ATXN7L1: variants seen among roughly 807,000 people sequenced by gnomAD.
ATXN7L1 encodes ataxin 7 like 1.
ATXN7L1 carries 15 observed loss-of-function variants against 70.8 expected under a neutral mutation model. The observed-to-expected ratio is 0.21, with a 90% CI of 0.14 to 0.33. ATXN7L1 has a LOEUF of 0.33. Ranked by LOEUF, ATXN7L1 falls within the 10% of genes least tolerant of loss-of-function variation. ATXN7L1 has a pLI of 1.00. For missense variants in ATXN7L1, 975 were observed against 1,097.1 expected, an observed-to-expected ratio of 0.89 and a Z score of 1.57; for synonymous variants, 440 against 445.1, an observed-to-expected ratio of 0.99 and a Z score of 0.14.
chr7:105,854,607 T>C (rs1815440378), intron 2 of ATXN7L1, among the ~76,000 whole-genome samples: 1 of 151,974 alleles, frequency 6.6e-6, no homozygotes, highest in African/African-American at 2.4e-5. Context: ...CTGATTTCTA[T>C]GGACAATTAG....
chr7:105,625,240 T>C (rs1795524298), intron 7 of ATXN7L1, among the ~76,000 whole-genome samples: 1 of 152,162 alleles, frequency 6.6e-6, no homozygotes, highest in Non-Finnish European at 1.5e-5. Flanking sequence ...AGTGTTTCAA[T>C]TTACATTTAT....
chr7:105,815,769 G>A lies in ATXN7L1; in HGVS notation c.251-27061C>T, dbSNP rs545166435. Among the ~76,000 whole-genome samples, 7 of 152,346 alleles carry A rather than the reference G, an allele frequency of 4.6e-5. No individual in the cohort carries two copies. In the East Asian group the frequency reaches 1.4e-3, roughly 29 times the overall value. On this transcript the variant is annotated intron_variant, in intron 2 of 11. Coordinates refer to ENST00000419735, the MANE Select transcript of ATXN7L1 (RefSeq NM_020725.2). ...GCACAGCAAAAGGAAATCCCTGCAT[G>A]ATGCTCGGCAGCTTGCCTAGGGAAT...
At chr7:105,755,523 T>C (rs1027479844) in intron 3 of ATXN7L1, among the ~76,000 whole-genome samples, 1 of 152,318 alleles carries the variant, frequency 6.6e-6, no homozygotes, top group East Asian at 1.9e-4. Flanking sequence ...TTATTCACTG[T>C]ATAAATGAAC....
At position 105,614,614 on chromosome 7, in the gene ATXN7L1, G is replaced by A; in HGVS notation, c.1720C>T (p.Pro574Ser). The stretch of plus-strand genomic sequence containing the variant: ...GTGGTGTGGGACATGAGGGCGCTCG[G>A]GTCCGGCGATGTCACGAAAGCTGCG... ...SNAAFVTSPD[P>S]SALMSHTTAF... Residue 574 changes from proline to serine, a missense_variant, in exon 10 of 12, where the codon CCG (proline) becomes TCG (serine). Pro to Ser is a moderately conservative substitution (Grantham distance 74). Around this residue, in one of 5 missense-constraint regions of ATXN7L1, gnomAD observed 635 missense variants for 699.4 expected, o/e 0.91. Coordinates refer to ENST00000419735, the MANE Select transcript of ATXN7L1 (RefSeq NM_020725.2). The surrounding 1 kb of genome is among the most constrained non-coding windows in gnomAD (Gnocchi z 4.3). 2 of 1,551,834 alleles carry A rather than the reference G, an allele frequency of 1.3e-6. No individual in the cohort carries two copies. The highest frequency in any genetic ancestry group is 1.7e-6 in the Non-Finnish European group (2 of 1,147,024).
rs540447578 is a variant in ATXN7L1, at chr7:105,837,505, G to A, written c.250+38307C>T. Reference sequence around the variant, plus strand: ...ATCAGTGAAATATGAAGGGTTGGAAGGATATACTACTATCTGGCTGTTTTC... The same window carrying A: ...ATCAGTGAAATATGAAGGGTTGGAAAGATATACTACTATCTGGCTGTTTTC... On this transcript the variant is annotated intron_variant, in intron 2 of 11. Coordinates refer to ENST00000419735, the MANE Select transcript of ATXN7L1 (RefSeq NM_020725.2). Among the ~76,000 whole-genome samples the A allele has an allele frequency of 3.9e-5, 6 of 151,962 alleles. No individual in the cohort carries two copies. In the South Asian group the frequency reaches 8.3e-4, roughly 21 times the overall value.
chr7:105,807,214 T>G (rs1311975473), intron 2 of ATXN7L1, among the ~76,000 whole-genome samples: 1 of 152,170 alleles, frequency 6.6e-6, no homozygotes, highest in African/African-American at 2.4e-5. Flanking sequence ...AAACATCAGT[T>G]AGTGTCCTGA....
intron 2 of ATXN7L1, among the ~76,000 whole-genome samples, chr7:105,795,566 C>T (rs1465223257): frequency 2.6e-5 from 4 of 152,158 alleles, no homozygotes; most frequent in African/African-American, 7.2e-5. Context: ...GAAGCAACAA[C>T]TGGTGAGAGC....
rs942502921 is a variant in ATXN7L1 at position 105,614,619 on chromosome 7, G to A, written c.1715C>T (p.Pro572Leu). Residue 572 changes from proline (P) to leucine (L), a missense_variant, in exon 10 of 12, where the codon CCG becomes CTG. Pro to Leu is a moderately conservative substitution (Grantham distance 98, BLOSUM62 -3). Transcript: ENST00000419735. The surrounding 1 kb of genome is among the most constrained non-coding windows in gnomAD (Gnocchi z 4.3). ...GTGGGACATGAGGGCGCTCGGGTCCGGCGATGTCACGAAAGCTGCGTTTGA... is the reference window on the plus strand; with the variant it reads ...GTGGGACATGAGGGCGCTCGGGTCCAGCGATGTCACGAAAGCTGCGTTTGA... ...MLSNAAFVTS[P>L]DPSALMSHTT... 46 of 1,551,732 alleles carry A rather than the reference G, an allele frequency of 3.0e-5. No homozygotes were observed. Among genetic ancestry groups the A allele is most frequent in the Middle Eastern group, 1.7e-4 (1 of 6,016 alleles).
chr7:105,673,342 A>G (rs945098173), intron 3 of ATXN7L1, among the ~76,000 whole-genome samples: 14 of 152,334 alleles, frequency 9.2e-5, no homozygotes, highest in African/African-American at 3.1e-4. Flanking sequence ...CCATTTTTAG[A>G]AAGAACTTGT....
intron 7 of ATXN7L1, among the ~76,000 whole-genome samples, chr7:105,636,988 T>C (rs1176954368): frequency 3.9e-5 from 6 of 152,228 alleles, no homozygotes; most frequent in Non-Finnish European, 7.3e-5. Flanking sequence ...GCCTCAACTC[T>C]AAAACAAGGG....
chr7:105,813,929 C>T (rs902484540), intron 2 of ATXN7L1, among the ~76,000 whole-genome samples: 16 of 152,116 alleles, frequency 1.1e-4, no homozygotes, highest in African/African-American at 3.9e-4. Flanking sequence ...CAATTTCCTC[C>T]CACCAGTATG....
chr7:105,694,249 T>C (rs1791423885), intron 3 of ATXN7L1, among the ~76,000 whole-genome samples: 1 of 152,040 alleles, frequency 6.6e-6, no homozygotes, highest in Admixed American at 6.6e-5. Flanking sequence ...TTTCACCATG[T>C]TGGCCAGGCT....
intron 7 of ATXN7L1, among the ~76,000 whole-genome samples, chr7:105,625,263 T>C (rs1795528171): frequency 6.6e-6 from 1 of 152,212 alleles, no homozygotes; most frequent in Non-Finnish European, 1.5e-5. Context: ...ATTTATTTGT[T>C]TGTTTACGAA....
chr7:105,862,097 G>A (rs1305880539), intron 2 of ATXN7L1, among the ~76,000 whole-genome samples: 2 of 152,154 alleles, frequency 1.3e-5, no homozygotes, highest in Non-Finnish European at 2.9e-5. Flanking sequence ...GGCTAACAGG[G>A]CTGTTGTACA....
At chr7:105,776,498 C>CG (rs962280049) in intron 3 of ATXN7L1, among the ~76,000 whole-genome samples, 8 of 151,806 alleles carry the variant, frequency 5.3e-5, no homozygotes, top group Non-Finnish European at 1.2e-4. Context: ...AAACAACCCC[C>CG]CCCCCAAAAC....
intron 2 of ATXN7L1, among the ~76,000 whole-genome samples, chr7:105,866,793 C>T (rs187123038): frequency 6.6e-6 from 1 of 152,328 alleles, no homozygotes; most frequent in East Asian, 1.9e-4. Context: ...AGCTCTCCCT[C>T]TCCATTACGG....
chr7:105,769,200 A>T (rs1563077919), intron 3 of ATXN7L1, among the ~76,000 whole-genome samples: 1 of 152,206 alleles, frequency 6.6e-6, no homozygotes, highest in Non-Finnish European at 1.5e-5. Flanking sequence ...GAAATGGAAG[A>T]TATTTCTATA....
At chr7:105,820,268 C>T (rs1028471901) in intron 2 of ATXN7L1, among the ~76,000 whole-genome samples, 1 of 151,858 alleles carries the variant, frequency 6.6e-6, no homozygotes, top group African/African-American at 2.4e-5. Flanking sequence ...CAAAGTGTAC[C>T]TATCACCAGC....
At position 105,793,105 on chromosome 7, in the gene ATXN7L1, G is replaced by A. The variant is rs192648002; in HGVS notation, c.251-4397C>T. On this transcript the variant is annotated intron_variant, in intron 2 of 11. Coordinates refer to ENST00000419735, the MANE Select transcript of ATXN7L1 (RefSeq NM_020725.2). The stretch of plus-strand genomic sequence containing the variant: ...GCCATTTCTCTTTTCTCAGCAAAAT[G>A]CTTCTTACGTAGAACAACATCCCAT... Among the ~76,000 whole-genome samples, 940 of 152,352 alleles carry A rather than the reference G, an allele frequency of 6.2e-3. 5 individuals carry two copies. The highest frequency in any genetic ancestry group is 0.011 in the Non-Finnish European group (724 of 68,036).
Sources: allele counts gnomAD v4.1 joint callset (sites outside exome capture counted in the v4.1 genomes callset), GRCh38; gene constraint gnomAD v4.1.1; regional missense constraint gnomAD v4.1.1; non-coding constraint Gnocchi (gnomAD v3.1); transcripts MANE v1.5; gene names NCBI Gene and HGNC (gene_info 2026-07-23, HGNC 2026-07-21).